The following NKAIN3 variants were observed in gnomAD, a reference collection of about 807,000 sequenced individuals.
NKAIN3 encodes the protein sodium/potassium-transporting ATPase subunit beta-1-interacting protein 3.
NKAIN3 carries 25 observed loss-of-function variants against 30.2 expected under a neutral mutation model. The ratio of observed to expected loss-of-function variants is 0.83; its 90% CI spans 0.60 to 1.16. NKAIN3 has a LOEUF of 1.16. Ranked by LOEUF, NKAIN3 falls within the 50% of genes most tolerant of loss-of-function variation. The pLI is 0.00. For missense variants in NKAIN3, 225 were observed against 254.1 expected, an observed-to-expected ratio of 0.89 and a Z score of 0.78; for synonymous variants, 91 against 89.6, an observed-to-expected ratio of 1.02 and a Z score of -0.09.
At chr8:62,260,896 A>G (rs942175558) in intron 1 of NKAIN3, among the ~76,000 whole-genome samples, 4 of 152,188 alleles carry the variant, frequency 2.6e-5, no homozygotes, top group African/African-American at 9.6e-5. Flanking sequence ...CACGGTACGT[A>G]TTTTACATAC....
At chr8:62,856,750 AT>A in intron 4 of NKAIN3, 1 of 680,226 alleles carries the variant, frequency 1.5e-6, no homozygotes, top group Admixed American at 2.3e-5. Flanking sequence ...TCTAGAATTT[AT>A]TTTGCACCTG....
intron 3 of NKAIN3, among the ~76,000 whole-genome samples, chr8:62,700,079 T>G (rs1407239198): frequency 6.6e-6 from 1 of 152,136 alleles, no homozygotes; most frequent in African/African-American, 2.4e-5. Flanking sequence ...GAACTATGAT[T>G]GCACCACTGT....
At chr8:62,696,098 T>C (rs1429880242) in intron 3 of NKAIN3, among the ~76,000 whole-genome samples, 1 of 151,380 alleles carries the variant, frequency 6.6e-6, no homozygotes, top group Admixed American at 6.5e-5. Flanking sequence ...CTTTTGATTT[T>C]TAATTTTTAA....
chr8:62,304,002 GA>G, intron 1 of NKAIN3, among the ~76,000 whole-genome samples: 1 of 150,554 alleles, frequency 6.6e-6, no homozygotes. Context: ...AGGGAAGTAG[GA>G]AAATGGAACA....
At chr8:62,805,412 C>G (rs1262160370) in intron 4 of NKAIN3, among the ~76,000 whole-genome samples, 2 of 151,982 alleles carry the variant, frequency 1.3e-5, no homozygotes, top group African/African-American at 4.8e-5. Context: ...TACTACAAGG[C>G]TACAGTAACC....
At chr8:62,551,791 T>C (rs745424644) in intron 1 of NKAIN3, among the ~76,000 whole-genome samples, 21 of 152,224 alleles carry the variant, frequency 1.4e-4, no homozygotes, top group Non-Finnish European at 2.1e-4. Flanking sequence ...ATTCTTGGAA[T>C]ATTGGTAGAC....
chr8:62,948,358 C>A (rs1660400456), intron 5 of NKAIN3, among the ~76,000 whole-genome samples: 1 of 152,024 alleles, frequency 6.6e-6, no homozygotes. Flanking sequence ...CGCCACCACG[C>A]CCAGTTAATT....
chr8:62,930,694 A>G (rs561092512), intron 5 of NKAIN3, among the ~76,000 whole-genome samples: 133 of 150,652 alleles, frequency 8.8e-4, no homozygotes, highest in Middle Eastern at 7.0e-3. Flanking sequence ...TGTAGCATGT[A>G]TCAGAATTTC....
chr8:62,604,114 A>G (rs1372586274), intron 3 of NKAIN3, among the ~76,000 whole-genome samples: 1 of 152,122 alleles, frequency 6.6e-6, no homozygotes, highest in Non-Finnish European at 1.5e-5. Context: ...CCATCCTTCC[A>G]TGTCCCATCT....
At chr8:62,469,733 A>C (rs1019729597) in intron 1 of NKAIN3, among the ~76,000 whole-genome samples, 2 of 152,128 alleles carry the variant, frequency 1.3e-5, no homozygotes, top group Non-Finnish European at 2.9e-5. Flanking sequence ...TCATCACCTA[A>C]TTTTACAAAG....
intron 4 of NKAIN3, among the ~76,000 whole-genome samples, chr8:62,813,122 T>C (rs1818546459): frequency 6.6e-6 from 1 of 152,020 alleles, no homozygotes; most frequent in African/African-American, 2.4e-5. Flanking sequence ...CCATTAAATG[T>C]TCTTGGCTCC....
intron 4 of NKAIN3, among the ~76,000 whole-genome samples, chr8:62,817,827 T>C (rs1038756452): frequency 3.3e-5 from 5 of 152,192 alleles, no homozygotes; most frequent in Non-Finnish European, 7.3e-5. Context: ...TCACAGCCAC[T>C]GCTGGCTCAC....
chr8:62,807,645 C>T (rs7350136), intron 4 of NKAIN3, among the ~76,000 whole-genome samples: 75,018 of 148,558 alleles, frequency 0.5, 22,060 homozygotes, highest in Non-Finnish European at 0.67. Context: ...CTCCACTTCC[C>T]GGGTTCAAGC....
intron 4 of NKAIN3, among the ~76,000 whole-genome samples, chr8:62,895,388 C>T (rs1200826258): frequency 1.3e-5 from 2 of 152,200 alleles, no homozygotes; most frequent in African/African-American, 4.8e-5. Flanking sequence ...AGTCACAAAC[C>T]AGCAACATCA....
rs989753305 is a variant in NKAIN3 at position 62,488,730 on chromosome 8, T to A, written c.55-90809T>A. On this transcript the variant is annotated intron_variant, in intron 1 of 6. Transcript: ENST00000623646. ...TAACGACATCTGAATAGGCTGCTAC[T>A]AATAGAAAAATAAACCATATTTTAT... Among the ~76,000 whole-genome samples, 5 of 152,310 alleles carry A rather than the reference T, an allele frequency of 3.3e-5. No individual in the cohort carries two copies. In the East Asian group the frequency reaches 9.7e-4, roughly 29 times the overall value.
In NKAIN3 at chr8:62,966,423, T is replaced by C. The variant is rs375459507; in HGVS notation, c.*1016T>C. 7.2e-6 allele frequency: 7 copies of C among 978,298 alleles called. No homozygotes were observed. In the Admixed American group the frequency reaches 1.8e-4, roughly 26 times the overall value. The allele number at this position is 978,298 out of a possible 1,614,324, so 60.6% of individuals were successfully genotyped here. A position where few individuals can be genotyped will look rare whatever the true frequency, so the allele number is the denominator to read the frequency against. ...CTGTCTTGAAAACGCATCACAGTTGTATTTTTTTAACTGGCATAAAACTTA... is the reference window on the plus strand; with the variant it reads ...CTGTCTTGAAAACGCATCACAGTTGCATTTTTTTAACTGGCATAAAACTTA... On this transcript the variant is annotated 3_prime_UTR_variant, in exon 7 of 7. Coordinates refer to ENST00000623646, the MANE Select transcript of NKAIN3 (RefSeq NM_001304533.3).
chr8:62,942,237 C>T (rs560299510), intron 5 of NKAIN3, among the ~76,000 whole-genome samples: 19 of 140,224 alleles, frequency 1.4e-4, no homozygotes, highest in African/African-American at 5.3e-4. Context: ...TATATATACA[C>T]ATATATATAC....
chr8:62,372,449 A>G (rs930806998), intron 1 of NKAIN3, among the ~76,000 whole-genome samples: 2 of 151,920 alleles, frequency 1.3e-5, no homozygotes, highest in South Asian at 2.1e-4. Flanking sequence ...GAAAAAATAT[A>G]TGGTATTCTT....
At chr8:62,709,413 C>G (rs1005954366) in intron 3 of NKAIN3, among the ~76,000 whole-genome samples, 2 of 152,044 alleles carry the variant, frequency 1.3e-5, no homozygotes, top group African/African-American at 2.4e-5. Context: ...TTATTTGTCT[C>G]TTCAGGGTAT....
Sources: gnomAD v4.1 joint callset for allele counts (sites outside exome capture counted in the v4.1 genomes callset) on GRCh38, gnomAD v4.1.1 for gene constraint, MANE v1.5 for transcripts, NCBI Gene and HGNC (gene_info 2026-07-23, HGNC 2026-07-21) for gene names.